Variants in SMARCA2 observed in about 807,000 individuals in gnomAD.
SMARCA2 encodes the protein SWI/SNF related BAF chromatin remodeling complex subunit ATPase 2, also known as SWI/SNF-related matrix-associated actin-dependent regulator of chromatin subfamily A member 2.
In SMARCA2, 61 loss-of-function variants were observed where a neutral mutation model predicts 199.8. That is an observed-to-expected ratio of 0.31 (90% CI 0.25 to 0.38). The LOEUF is 0.38. Ranked by LOEUF, SMARCA2 falls within the 10% of genes least tolerant of loss-of-function variation. SMARCA2 has a pLI of 1.00. For synonymous variants in SMARCA2, 935 were observed against 732.0 expected (o/e 1.28, Z -4.48); for missense variants, 1,344 against 2,012.2 (o/e 0.67, Z 6.35).
chr9:2,120,401 T>G (rs558603781), intron 26 of SMARCA2, among the ~76,000 whole-genome samples: 61 of 152,348 alleles, frequency 4.0e-4, no homozygotes, highest in African/African-American at 1.5e-3. Context: ...ATGTGAGACC[T>G]ATGTCGCCAG....
chr9:2,111,046 G>GTT (rs763044837), intron 24 of SMARCA2, among the ~76,000 whole-genome samples: 4 of 142,466 alleles, frequency 2.8e-5, no homozygotes, highest in African/African-American at 7.7e-5. Context: ...TTGATGTTTT[G>GTT]TTTTTTTTTT....
intron 9 of SMARCA2, among the ~76,000 whole-genome samples, chr9:2,065,000 T>A (rs572366734): frequency 1.1e-3 from 161 of 152,198 alleles, no homozygotes; most frequent in Non-Finnish European, 1.6e-3. Context: ...CTGGCTAACA[T>A]GTTGAAACCC....
chr9:2,173,291 G>A (rs1196014366), intron 29 of SMARCA2, among the ~76,000 whole-genome samples: 2 of 152,190 alleles, frequency 1.3e-5, no homozygotes, highest in Non-Finnish European at 2.9e-5. Flanking sequence ...CCTTGATGTT[G>A]TGATGATGTT....
At chr9:2,173,418 C>G (rs889944005) in intron 29 of SMARCA2, among the ~76,000 whole-genome samples, 2 of 152,144 alleles carry the variant, frequency 1.3e-5, no homozygotes, top group African/African-American at 2.4e-5. Context: ...AATGATAGCT[C>G]TCAAGCCCAA....
intron 29 of SMARCA2, among the ~76,000 whole-genome samples, chr9:2,177,615 C>T (rs568173689): frequency 2.7e-4 from 41 of 151,984 alleles, no homozygotes; most frequent in African/African-American, 9.6e-4. Flanking sequence ...TGCAGTGGCG[C>T]GATCTCAGCT....
rs539400626 is a variant in SMARCA2 at position 2,061,844 on chromosome 9, C to G, written c.1692+858C>G. Reference sequence around the variant, plus strand: ...CAATTAATTTCATGGCTCCTGAATCCTCATACCTGTCTCATAATTAAGGAG... The same window carrying G: ...CAATTAATTTCATGGCTCCTGAATCGTCATACCTGTCTCATAATTAAGGAG... On this transcript the variant is annotated intron_variant, in intron 9 of 33. Transcript: ENST00000349721. Among the ~76,000 whole-genome samples the G allele has an allele frequency of 1.4e-4, 21 of 152,274 alleles. No homozygotes were observed. The South Asian group carries it at 4.1e-3, about 30-fold the overall frequency.
chr9:2,040,250 A>C (rs904720961), intron 4 of SMARCA2: 21 of 481,644 alleles, frequency 4.4e-5, no homozygotes, highest in Admixed American at 1.5e-4. Context: ...CATCCCCAGA[A>C]CTCACTGCTC....
chr9:2,163,323 G>A (rs1272923597), intron 28 of SMARCA2, among the ~76,000 whole-genome samples: 1 of 152,136 alleles, frequency 6.6e-6, no homozygotes, highest in Non-Finnish European at 1.5e-5. Context: ...TTCTGAAGTG[G>A]CCAGAATGGC....
In SMARCA2 at chr9:2,084,122, C is replaced by T. The variant is rs886063776; in HGVS notation, c.2452C>T (p.Leu818=). The change falls in exon 17 of 34, where the codon CTA becomes TTA. Residue 818 remains leucine (L), a synonymous_variant. Transcript: ENST00000349721. ...CATGCGTCGCTCCCTTGTCCCCCAG[C>T]TACGGAGTGGCAAATTCAATGTCCT... ...PAMRRSLVPQ[L]RSGKFNVLLT... 15 of 1,612,796 alleles carry T rather than the reference C, an allele frequency of 9.3e-6. No homozygotes were observed. The Middle Eastern group carries it at 6.6e-4, about 71-fold the overall frequency.
At position 2,123,583 on chromosome 9, in the gene SMARCA2, C is replaced by T; in HGVS notation, c.3763-136C>T. The T allele has an allele frequency of 1.3e-6, 1 of 765,664 alleles. No homozygotes were observed. The highest frequency in any genetic ancestry group is 2.7e-5 in the East Asian group (1 of 37,504). The allele number at this position is 765,664 out of a possible 1,614,324, so 47.4% of individuals were successfully genotyped here. On this transcript the variant is annotated intron_variant, in intron 26 of 33. Coordinates refer to ENST00000349721, the MANE Select transcript of SMARCA2 (RefSeq NM_003070.5). This position sits in a 1 kb window ranked among gnomAD's most constrained non-coding sequence, Gnocchi z 4.1. ...CTAGATATTTAGGGATGAGCTAGAA[C>T]AAGCCAACCAGGATGAGAGAGGTTG... is the stretch of plus-strand genomic sequence containing the variant.
intron 25 of SMARCA2, among the ~76,000 whole-genome samples, chr9:2,116,999 A>G (rs1430151449): frequency 1.3e-5 from 2 of 152,196 alleles, no homozygotes; most frequent in Non-Finnish European, 2.9e-5. Context: ...TGAGTCTTTT[A>G]AAAGTCTTAT....
At chr9:2,114,656 A>T (rs7040061) in intron 24 of SMARCA2, among the ~76,000 whole-genome samples, 1 of 152,090 alleles carries the variant, frequency 6.6e-6, no homozygotes, top group East Asian at 1.9e-4. Context: ...TTACGTAGCT[A>T]TAAAATTAGG....
At position 2,077,718 on chromosome 9, in the gene SMARCA2, C is replaced by T. The variant is rs199989401; in HGVS notation, c.2126C>T (p.Ser709Leu). Residue 709 changes from serine (S) to leucine (L), a missense_variant, in exon 14 of 34, where the codon TCG (serine) becomes TTG (leucine). Physicochemically the swap from Ser to Leu is moderately radical, Grantham distance 145 (BLOSUM62 -2). Coordinates refer to ENST00000349721, the MANE Select transcript of SMARCA2 (RefSeq NM_003070.5). Reference protein sequence around the residue: ...QSYYTVAHAISERVEKQSALL... With the variant: ...QSYYTVAHAILERVEKQSALL... ...TACTACACCGTGGCTCATGCCATCTCGGAGAGGGTGGAGAAACAGTCTGCC... is the reference window on the plus strand; with the variant it reads ...TACTACACCGTGGCTCATGCCATCTTGGAGAGGGTGGAGAAACAGTCTGCC... 59 of 1,613,874 alleles carry T rather than the reference C, an allele frequency of 3.7e-5. No homozygotes were observed. The highest frequency in any genetic ancestry group is 4.7e-5 in the Non-Finnish European group (55 of 1,179,940).
chr9:2,069,207 C>T (rs1820979360), intron 9 of SMARCA2: 1 of 151,956 alleles, frequency 6.6e-6, no homozygotes, highest in Non-Finnish European at 1.5e-5. Flanking sequence ...TGAGCCACCG[C>T]ACCCGGCCGA....
At chr9:2,186,579 A>G (rs1371213990) in intron 32 of SMARCA2, among the ~76,000 whole-genome samples, 4 of 144,786 alleles carry the variant, frequency 2.8e-5, no homozygotes, top group Admixed American at 1.4e-4. Flanking sequence ...GCTCACTGCA[A>G]CCTCCACCTC....
Position 2,096,747 on chromosome 9 carries a change from T to G in SMARCA2, c.2974T>G (p.Ser992Ala). 3 of 1,610,796 alleles carry G rather than the reference T, an allele frequency of 1.9e-6. No individual in the cohort carries two copies. Among genetic ancestry groups the G allele is most frequent in the Non-Finnish European group, 2.5e-6 (3 of 1,176,908 alleles). The change falls in exon 20 of 34, where the codon TCT becomes GCT. Residue 992 changes from serine to alanine, a missense_variant. Coordinates refer to ENST00000349721, the MANE Select transcript of SMARCA2 (RefSeq NM_003070.5). ...CAAGGGGATCCTTCTCACAGATGGTTCTGAGAAAGATAAGAAGGTACGTTG... is the reference window on the plus strand; with the variant it reads ...CAAGGGGATCCTTCTCACAGATGGTGCTGAGAAAGATAAGAAGGTACGTTG... Reference protein sequence around the residue: ...QAKGILLTDGSEKDKKGKGGA... With the variant: ...QAKGILLTDGAEKDKKGKGGA...
chr9:2,066,996 C>T (rs779944412), intron 9 of SMARCA2, among the ~76,000 whole-genome samples: 5 of 152,022 alleles, frequency 3.3e-5, no homozygotes, highest in East Asian at 1.9e-4. Flanking sequence ...AGTACATGTG[C>T]GCACCAACCA....
intron 9 of SMARCA2, among the ~76,000 whole-genome samples, chr9:2,063,827 G>A (rs1175697758): frequency 2.0e-5 from 3 of 151,874 alleles, no homozygotes; most frequent in Non-Finnish European, 4.4e-5. Context: ...GTGAATAATA[G>A]GGTAGGTTTC....
chr9:2,088,245 A>G lies in SMARCA2; in HGVS notation c.2770-255A>G, dbSNP rs574670059. Among the ~76,000 whole-genome samples the G allele has an allele frequency of 1.1e-3, 161 of 152,312 alleles. 3 individuals are homozygous for G. In the South Asian group the frequency reaches 0.032, roughly 30 times the overall value. On this transcript the variant is annotated intron_variant, in intron 18 of 33. Transcript: ENST00000349721. ...TTGAGGCTGTTGACACTACTGATAA[A>G]AAACTGGTGGCTTCCGGGCTCTTTT...
Sources: gnomAD v4.1 joint callset for allele counts (sites outside exome capture counted in the v4.1 genomes callset) on GRCh38, gnomAD v4.1.1 for gene constraint, Gnocchi (gnomAD v3.1) non-coding constraint, MANE v1.5 for transcripts, NCBI Gene and HGNC (gene_info 2026-07-23, HGNC 2026-07-21) for gene names.